CENPP: variants seen among roughly 807,000 people sequenced by gnomAD.
The protein encoded by CENPP is centromere protein P.
In CENPP, 24 loss-of-function variants were observed where a neutral mutation model predicts 35.6. The observed-to-expected ratio is 0.67, with a 90% CI of 0.49 to 0.95. CENPP has a LOEUF of 0.95. Ranked by LOEUF, CENPP falls within the 40% of genes least tolerant of loss-of-function variation. The probability of loss-of-function intolerance (pLI) is 0.00; values close to 1 mark genes in which losing one functional copy is unlikely to be tolerated. For synonymous variants in CENPP, 120 were observed against 125.5 expected (o/e 0.96, Z 0.29); for missense variants, 332 against 345.3 (o/e 0.96, Z 0.31).
chr9:92,410,555 G>C (rs909200636), intron 5 of CENPP, among the ~76,000 whole-genome samples: 3 of 152,164 alleles, frequency 2.0e-5, no homozygotes, highest in African/African-American at 7.2e-5. Flanking sequence ...GTGTCCAATA[G>C]TGGTTGTGAA....
intron 4 of CENPP, among the ~76,000 whole-genome samples, chr9:92,368,931 C>A (rs1028931217): frequency 1.2e-4 from 19 of 152,106 alleles, no homozygotes; most frequent in African/African-American, 4.6e-4. Flanking sequence ...GTAGTTATAG[C>A]TGCTCAGGAG....
intron 5 of CENPP, chr9:92,493,487 C>G (rs1248863023): frequency 6.6e-6 from 1 of 152,052 alleles, no homozygotes; most frequent in Non-Finnish European, 1.5e-5. Context: ...TGATAATAAG[C>G]CAAATCTCAA....
intron 5 of CENPP, chr9:92,522,699 C>T (rs760253173): frequency 1.4e-5 from 22 of 1,614,090 alleles, no homozygotes; most frequent in Middle Eastern, 1.7e-4. Context: ...CTGTTGTTTG[C>T]TGAATTCCAA....
At chr9:92,529,733 C>A (rs1265862842) in intron 5 of CENPP, among the ~76,000 whole-genome samples, 1 of 152,106 alleles carries the variant, frequency 6.6e-6, no homozygotes, top group Non-Finnish European at 1.5e-5. Context: ...TGTATGATTT[C>A]AACTCTATGA....
chr9:92,349,066 T>C (rs1322700689), intron 4 of CENPP, among the ~76,000 whole-genome samples: 1 of 152,238 alleles, frequency 6.6e-6, no homozygotes, highest in Non-Finnish European at 1.5e-5. Context: ...TTTTGCCCTG[T>C]GTCACTCTAA....
At chr9:92,338,737 G>A (rs916808205) in intron 3 of CENPP, among the ~76,000 whole-genome samples, 1 of 152,012 alleles carries the variant, frequency 6.6e-6, no homozygotes. Context: ...GAATTTTGGA[G>A]CCACTCAGTT....
chr9:92,352,538 T>TATATATATATATATATAA (rs1464334295), intron 4 of CENPP, among the ~76,000 whole-genome samples: 70 of 114,398 alleles, frequency 6.1e-4, no homozygotes, highest in Middle Eastern at 4.1e-3. Context: ...TATATATATA[T>TATATATATATATATATAA]AATATAACGG....
intron 5 of CENPP, 100 bp downstream of exon 5, chr9:92,379,959 A>G: frequency 1.3e-6 from 1 of 742,550 alleles, no homozygotes; most frequent in Non-Finnish European, 2.3e-6. Context: ...GCTTTCAAAC[A>G]GTAGAAAATA....
At chr9:92,390,716 A>G (rs553013705) in intron 5 of CENPP, among the ~76,000 whole-genome samples, 1 of 152,350 alleles carries the variant, frequency 6.6e-6, no homozygotes, top group Admixed American at 6.5e-5. Context: ...CTGAACCATT[A>G]TTCCTAGGAG....
rs186054207 is a variant in CENPP, at chr9:92,525,313, G to A, written c.565-86001G>A. ...AGCCTGGGTAACAGAGCGAGACTCT[G>A]TCTCAAAAAAAAAAAAAGAAAAGAA... On this transcript the variant is annotated intron_variant, in intron 5 of 7. Coordinates refer to ENST00000375587, the MANE Select transcript of CENPP (RefSeq NM_001012267.3). Among the ~76,000 whole-genome samples, 95 of 148,674 alleles carry A rather than the reference G, an allele frequency of 6.4e-4. 2 individuals carry two copies. Among genetic ancestry groups the A allele is most frequent in the Admixed American group, 5.8e-3 (86 of 14,944 alleles).
intron 5 of CENPP, chr9:92,495,643 A>G: frequency 1.1e-6 from 1 of 927,718 alleles, no homozygotes; most frequent in Non-Finnish European, 1.3e-6. Context: ...AAAAGTTTCA[A>G]AAAGAGTATA....
In CENPP at chr9:92,520,633, G is replaced by T. The variant is rs190040127; in HGVS notation, c.565-90681G>T. On this transcript the variant is annotated intron_variant, in intron 5 of 7. Transcript: ENST00000375587. Reference sequence around the variant, plus strand: ...TATATACCCAAAAGAATTGAAAATAGGTGTTGAAAGAAAACTTATATTAAT... The same window carrying T: ...TATATACCCAAAAGAATTGAAAATATGTGTTGAAAGAAAACTTATATTAAT... Among the ~76,000 whole-genome samples the T allele has an allele frequency of 2.6e-5, 4 of 152,244 alleles. No individual in the cohort carries two copies. The East Asian group carries it at 7.7e-4, about 29-fold the overall frequency.
intron 5 of CENPP, chr9:92,495,459 T>A: frequency 1.4e-5 from 14 of 985,018 alleles, no homozygotes; most frequent in Non-Finnish European, 1.7e-5. Flanking sequence ...GGTGCAAAAT[T>A]TTTCAAAAAT....
intron 5 of CENPP, among the ~76,000 whole-genome samples, chr9:92,579,276 C>T (rs1469374543): frequency 1.7e-4 from 26 of 149,822 alleles, no homozygotes; most frequent in African/African-American, 3.0e-4. Context: ...ATTGACTTGG[C>T]GATGAGGGCT....
chr9:92,566,194 G>A (rs1462442946), intron 5 of CENPP, among the ~76,000 whole-genome samples: 1 of 151,682 alleles, frequency 6.6e-6, no homozygotes, highest in Admixed American at 6.6e-5. Context: ...CCAGCTACTC[G>A]GGAGGCTGAG....
At chr9:92,597,255 A>G (rs908194688) in intron 5 of CENPP, among the ~76,000 whole-genome samples, 1 of 152,198 alleles carries the variant, frequency 6.6e-6, no homozygotes, top group Non-Finnish European at 1.5e-5. Flanking sequence ...TGAGGATTGA[A>G]TGAGCTATAG....
At chr9:92,426,761 A>G (rs1456164773) in intron 5 of CENPP, among the ~76,000 whole-genome samples, 1 of 152,124 alleles carries the variant, frequency 6.6e-6, no homozygotes, top group Non-Finnish European at 1.5e-5. Context: ...TCATGTGGTA[A>G]TAGATTAGAG....
In CENPP at chr9:92,587,716, A is replaced by C. The variant is rs1850574349; in HGVS notation, c.565-23598A>C. On this transcript the variant is annotated intron_variant, in intron 5 of 7. Transcript: ENST00000375587. ...GCCAAGGGAGGCAGGAATTGGGATT[A>C]ACTACTTAGTGGGAACCACTTTTAT... Among the ~76,000 whole-genome samples the C allele has an allele frequency of 1.3e-5, 2 of 152,230 alleles. 1 individual carries two copies. The highest frequency in any genetic ancestry group is 4.1e-4 in the South Asian group (2 of 4,830).
At chr9:92,351,385 C>T (rs1185633344) in intron 4 of CENPP, among the ~76,000 whole-genome samples, 2 of 150,616 alleles carry the variant, frequency 1.3e-5, no homozygotes, top group East Asian at 4.0e-4. Context: ...GAGGCTGAGG[C>T]AGGAGAATCG....
Sources: gnomAD v4.1 joint callset for allele counts (sites outside exome capture counted in the v4.1 genomes callset) on GRCh38, gnomAD v4.1.1 for gene constraint, MANE v1.5 for transcripts, NCBI Gene and HGNC (gene_info 2026-07-23, HGNC 2026-07-21) for gene names.